The following BTBD1 variants were observed in gnomAD, a reference collection of about 807,000 sequenced individuals.
BTBD1 encodes BTB domain containing 1, also known as BTB/POZ domain-containing protein 1.
Under a neutral mutation model 48.0 loss-of-function variants are expected in BTBD1, and 34 were observed. The ratio of observed to expected loss-of-function variants is 0.71; its 90% CI spans 0.54 to 0.94. The LOEUF (loss-of-function observed/expected upper bound fraction) is 0.94, where lower values mean the gene tolerates loss of function less well. BTBD1 is among the 40% of genes least tolerant of loss of function. BTBD1 has a pLI of 0.00. For synonymous variants in BTBD1, 261 were observed against 242.1 expected, an observed-to-expected ratio of 1.08 and a Z score of -0.72; for missense variants, 543 against 625.6, an observed-to-expected ratio of 0.87 and a Z score of 1.41.
chr15:83,059,183 C>T (rs1261860931), intron 1 of BTBD1, among the ~76,000 whole-genome samples: 1 of 152,134 alleles, frequency 6.6e-6, no homozygotes, highest in Non-Finnish European at 1.5e-5. Flanking sequence ...TAAGCAGTTG[C>T]CTTGTTTTTA....
chr15:83,066,604 G>T, intron 1 of BTBD1, 147 bp downstream of exon 1: 1 of 840,644 alleles, frequency 1.2e-6, no homozygotes, highest in Non-Finnish European at 1.6e-6. Context: ...GAGCATCAAC[G>T]GCTCGGGAGG....
At chr15:83,031,702 T>C (rs886199865) in intron 4 of BTBD1, among the ~76,000 whole-genome samples, 1 of 151,888 alleles carries the variant, frequency 6.6e-6, no homozygotes, top group Non-Finnish European at 1.5e-5. Flanking sequence ...GGGTGTAGCA[T>C]ACTAACATGG....
intron 4 of BTBD1, 92 bp from the exon 5 acceptor site, chr15:83,030,420 C>A: frequency 1.9e-6 from 2 of 1,075,098 alleles, no homozygotes; most frequent in Non-Finnish European, 2.7e-6. Context: ...ATCTAGAGGA[C>A]GTAACATAAA....
At chr15:83,056,634 T>C (rs2033088272) in intron 1 of BTBD1, 89 bp from the exon 2 acceptor site, 2 of 1,140,304 alleles carry the variant, frequency 1.8e-6, no homozygotes, top group African/African-American at 3.1e-5. Context: ...GAGTATTTAC[T>C]TATATTTTTA....
chr15:83,017,950 TTTC>T lies in BTBD1; in HGVS notation c.*114_*116del, dbSNP rs760881146. 1 of 605,910 alleles carries T rather than the reference TTTC, an allele frequency of 1.7e-6. No individual in the cohort carries two copies. The highest frequency in any genetic ancestry group is 2.7e-6 in the Non-Finnish European group (1 of 376,650). The allele number at this position is 605,910 out of a possible 1,614,324, so 37.5% of individuals were successfully genotyped here. ...TTTTTCTATCTGCTCTAAGAAACTG[TTTC>T]TTATCTTACAATTTTAAATATTCAT... On this transcript the variant is annotated 3_prime_UTR_variant, in exon 8 of 8. Coordinates refer to ENST00000261721, the MANE Select transcript of BTBD1 (RefSeq NM_025238.4).
rs753632356 is a variant in BTBD1 at position 83,041,829 on chromosome 15, C to T, written c.761G>A (p.Arg254Lys). Residue 254 changes from arginine (R) to lysine (K), a missense_variant, in exon 4 of 8, where the codon AGA (arginine) becomes AAA (lysine). By Grantham distance (26) the Arg-to-Lys change is conservative. Around this residue, in one of 3 missense-constraint regions of BTBD1, gnomAD observed 300 missense variants for 350.0 expected, o/e 0.86. Transcript: ENST00000261721. ...VVRWAEAECQ[R>K]QQLPVTFGNK... is the part of the protein sequence containing the mutation. The stretch of plus-strand genomic sequence containing the variant: ...CCCAAAAGTCACAGGTAATTGTTGT[C>T]TCTGACATTCTGCTTCTGCCCAGCG... 1 of 1,614,186 alleles carries T rather than the reference C, an allele frequency of 6.2e-7. No individual in the cohort carries two copies. The highest frequency in any genetic ancestry group is 8.5e-7 in the Non-Finnish European group (1 of 1,180,030).
At chr15:83,059,117 G>A (rs1460646339) in intron 1 of BTBD1, among the ~76,000 whole-genome samples, 1 of 152,120 alleles carries the variant, frequency 6.6e-6, no homozygotes, top group Non-Finnish European at 1.5e-5. Flanking sequence ...CTGTATGAGG[G>A]GATCTCATCA....
rs559624330 is a variant in BTBD1, at chr15:83,018,809, G to A, written c.1188C>T (p.Thr396=). 2.5e-6 allele frequency: 4 copies of A among 1,613,878 alleles called. No homozygotes were observed. The highest frequency in any genetic ancestry group is 1.7e-5 in the Admixed American group (1 of 60,006). ...EKKQTLGQND[T]GFSCDGTANT... ...TAGCTGTCCCATCACAACTAAAGCC[G>A]GTATCATTCTGTCCCAGGGTTTGCT... Residue 396 remains threonine, a synonymous_variant, in exon 7 of 8, where the codon ACC becomes ACT. Transcript: ENST00000261721.
intron 4 of BTBD1, among the ~76,000 whole-genome samples, chr15:83,035,073 C>T (rs2032599014): frequency 6.6e-6 from 1 of 152,154 alleles, no homozygotes. Flanking sequence ...ATGGGTGGAT[C>T]ACCTGAGGTC....
At chr15:83,044,876 C>A in intron 3 of BTBD1, 1 of 699,932 alleles carries the variant, frequency 1.4e-6, no homozygotes, top group Non-Finnish European at 2.5e-6. Flanking sequence ...GTTCAATTAT[C>A]TTTATCACAA....
chr15:83,042,004 ATTAAG>A lies in BTBD1; in HGVS notation c.665-84_665-80del, dbSNP rs934537513. Reference sequence around the variant, plus strand: ...AAGCAATACCAACAGACACACTTATATTAAGTTTTCAGATCTCAACAAAAAATAGG... The same window carrying A: ...AAGCAATACCAACAGACACACTTATATTTTCAGATCTCAACAAAAAATAGG... On this transcript the variant is annotated intron_variant, in intron 3 of 7. Transcript: ENST00000261721. 8.0e-6 allele frequency: 10 copies of A among 1,243,104 alleles called. No individual in the cohort carries two copies. In the Admixed American group the frequency reaches 2.0e-4, roughly 25 times the overall value. The allele number at this position is 1,243,104 out of a possible 1,614,324, so 77.0% of individuals were successfully genotyped here. A position where few individuals can be genotyped will look rare whatever the true frequency, so the allele number is the denominator to read the frequency against.
intron 5 of BTBD1, among the ~76,000 whole-genome samples, chr15:83,021,418 T>A (rs1290450051): frequency 6.6e-6 from 1 of 152,192 alleles, no homozygotes; most frequent in African/African-American, 2.4e-5. Flanking sequence ...TATTGACCCA[T>A]CTTACTCCAT....
At chr15:83,028,338 G>T (rs1373015986) in intron 5 of BTBD1, among the ~76,000 whole-genome samples, 1 of 152,112 alleles carries the variant, frequency 6.6e-6, no homozygotes, top group Non-Finnish European at 1.5e-5. Context: ...GATCTGTTGT[G>T]AGAATTATAC....
intron 4 of BTBD1, among the ~76,000 whole-genome samples, chr15:83,033,312 T>C (rs8040998): frequency 0.42 from 63,399 of 151,934 alleles, 13,766 homozygotes; most frequent in Middle Eastern, 0.52. Flanking sequence ...AAAAGAAATA[T>C]TGAAGAGAAT....
rs533874111 is a variant in BTBD1 at position 83,066,909 on chromosome 15, G to A, written c.243C>T (p.Ala81=). 2 of 1,522,504 alleles carry A rather than the reference G, an allele frequency of 1.3e-6. No homozygotes were observed. The highest frequency in any genetic ancestry group is 1.8e-6 in the Non-Finnish European group (2 of 1,140,456). The allele number at this position is 1,522,504 out of a possible 1,614,324, so 94.3% of individuals were successfully genotyped here. A position where few individuals can be genotyped will look rare whatever the true frequency, so the allele number is the denominator to read the frequency against. ...VRFVLGKGRG[A]AAAGGPQRIP... is the part of the protein sequence containing the mutation. The stretch of plus-strand genomic sequence containing the variant: ...TGCGCTGCGGGCCCCCAGCGGCGGC[G>A]GCGCCGCGACCCTTGCCCAGTACGA... Residue 81 remains alanine, a synonymous_variant, in exon 1 of 8, where the codon GCC becomes GCT. Coordinates refer to ENST00000261721, the MANE Select transcript of BTBD1 (RefSeq NM_025238.4).
rs564925240 is a variant in BTBD1, at chr15:83,042,611, C to T, written c.665-686G>A. ...GTTGGCCAGCCTGGTCTCAAACTTC[C>T]GACCTGAAGTGATCTGCCTGCCTCG... is the stretch of plus-strand genomic sequence containing the variant. On this transcript the variant is annotated intron_variant, in intron 3 of 7. Coordinates refer to ENST00000261721, the MANE Select transcript of BTBD1 (RefSeq NM_025238.4). Among the ~76,000 whole-genome samples the T allele has an allele frequency of 1.7e-3, 251 of 151,718 alleles. 3 individuals are homozygous for T. In the South Asian group the frequency reaches 0.017, roughly 10 times the overall value.
In BTBD1 at chr15:83,066,867, G is replaced by T. The variant is rs752116945; in HGVS notation, c.285C>A (p.Phe95Leu). ...GGPQRIPAHR[F>L]VLAAGSAVFD... ...AGACGGCGCTGCCGGCCGCCAGCAC[G>T]AAGCGGTGGGCGGGGATGCGCTGCG... Residue 95 changes from phenylalanine (F) to leucine (L), a missense_variant, in exon 1 of 8, where the codon TTC becomes TTA. Physicochemically the swap from Phe to Leu is conservative, Grantham distance 22. Around this residue, in one of 3 missense-constraint regions of BTBD1, gnomAD observed 173 missense variants for 163.9 expected, o/e 1.06. Transcript: ENST00000261721. The T allele has an allele frequency of 5.4e-6, 8 of 1,472,758 alleles. No homozygotes were observed. The highest frequency in any genetic ancestry group is 2.8e-5 in the East Asian group (1 of 35,434). 91.2% of individuals were successfully genotyped at this position (1,472,758 alleles called of 1,614,324 possible). A position where few individuals can be genotyped will look rare whatever the true frequency, so the allele number is the denominator to read the frequency against.
chr15:83,043,708 A>G (rs71412290), intron 3 of BTBD1, among the ~76,000 whole-genome samples: 6,312 of 152,274 alleles, frequency 0.041, 203 homozygotes, highest in Non-Finnish European at 0.063. Context: ...GGAGTCAAGA[A>G]TAACTGCAAG....
chr15:83,048,229 T>G (rs1435718185), intron 3 of BTBD1, among the ~76,000 whole-genome samples: 3 of 152,108 alleles, frequency 2.0e-5, no homozygotes, highest in Non-Finnish European at 4.4e-5. Context: ...CATGGTGGTG[T>G]TGTTAAGGAA....
Sources: gnomAD v4.1 joint callset for allele counts (sites outside exome capture counted in the v4.1 genomes callset) on GRCh38, gnomAD v4.1.1 for gene constraint, gnomAD v4.1.1 regional missense constraint, MANE v1.5 for transcripts, NCBI Gene and HGNC (gene_info 2026-07-23, HGNC 2026-07-21) for gene names.